The following CDK6 variants were observed in gnomAD, a reference collection of about 807,000 sequenced individuals.
CDK6 encodes cyclin-dependent kinase 6.
In CDK6, 6 loss-of-function variants were observed where a neutral mutation model predicts 37.1. That is an observed-to-expected ratio of 0.16 (90% confidence interval 0.09 to 0.32). CDK6 has a LOEUF of 0.32. Ranked by LOEUF, CDK6 falls within the 10% of genes least tolerant of loss-of-function variation. The pLI is 1.00. For synonymous variants in CDK6, 160 were observed against 161.3 expected, an observed-to-expected ratio of 0.99 and a Z score of 0.06; for missense variants, 224 against 418.9, an observed-to-expected ratio of 0.53 and a Z score of 4.06.
chr7:92,698,288 C>A (rs1019922689), intron 4 of CDK6, among the ~76,000 whole-genome samples: 2 of 152,178 alleles, frequency 1.3e-5, no homozygotes, highest in African/African-American at 4.8e-5. Flanking sequence ...TAAAACTGTA[C>A]AAATGAAGCC....
intron 2 of CDK6, among the ~76,000 whole-genome samples, chr7:92,804,825 G>C (rs953368902): frequency 2.0e-5 from 3 of 152,114 alleles, no homozygotes; most frequent in African/African-American, 4.8e-5. Context: ...CGCAGCACTA[G>C]TAACATCTAT....
chr7:92,683,195 AGTT>A (rs1235612683), intron 4 of CDK6, among the ~76,000 whole-genome samples: 8 of 152,208 alleles, frequency 5.3e-5, no homozygotes, highest in Admixed American at 2.6e-4. Context: ...TCCTCTTAGA[AGTT>A]GTTTTAACTC....
intron 5 of CDK6, among the ~76,000 whole-genome samples, chr7:92,668,121 C>T (rs1796999304): frequency 2.0e-5 from 3 of 152,106 alleles, no homozygotes; most frequent in Admixed American, 2.0e-4. Flanking sequence ...TACCATATTT[C>T]TACTGTATCT....
At chr7:92,796,089 AG>A (rs58319992) in intron 2 of CDK6, among the ~76,000 whole-genome samples, 19,607 of 144,020 alleles carry the variant, frequency 0.14, 1,748 homozygotes, top group South Asian at 0.27. Context: ...ATTAACTTGG[AG>A]AAAAAAAAAA....
chr7:92,826,869 G>A (rs1036191407), intron 2 of CDK6, among the ~76,000 whole-genome samples: 1 of 151,956 alleles, frequency 6.6e-6, no homozygotes, highest in Non-Finnish European at 1.5e-5. Flanking sequence ...AAACATATAC[G>A]GGTTAACCAA....
rs994107193 is a variant in CDK6, at chr7:92,606,849, G to A, written c.*8291C>T. On this transcript the variant is annotated 3_prime_UTR_variant, in exon 8 of 8. Coordinates refer to ENST00000424848, the MANE Select transcript of CDK6 (RefSeq NM_001145306.2). ...TTTCTAGTTCTAATTTGCACTCTACGTGAACCAATATTTTTCTTTTCTTAA... is the reference window on the plus strand; with the variant it reads ...TTTCTAGTTCTAATTTGCACTCTACATGAACCAATATTTTTCTTTTCTTAA... 4 of 232,676 alleles carry A rather than the reference G, an allele frequency of 1.7e-5. No individual in the cohort carries two copies. The highest frequency in any genetic ancestry group is 6.6e-5 in the African/African-American group (3 of 45,404). The allele number at this position is 232,676 out of a possible 1,614,324, so 14.4% of individuals were successfully genotyped here. A position where few individuals can be genotyped will look rare whatever the true frequency, so the allele number is the denominator to read the frequency against.
At chr7:92,732,165 C>G (rs961030272) in intron 3 of CDK6, among the ~76,000 whole-genome samples, 4 of 152,194 alleles carry the variant, frequency 2.6e-5, no homozygotes, top group Non-Finnish European at 5.9e-5. Flanking sequence ...CACCTGTAAT[C>G]CTAGCACTTT....
At chr7:92,803,757 A>G (rs1020871773) in intron 2 of CDK6, among the ~76,000 whole-genome samples, 2 of 152,322 alleles carry the variant, frequency 1.3e-5, no homozygotes, top group East Asian at 3.9e-4. Context: ...TTACTCATAC[A>G]GGTTTATATT....
intron 6 of CDK6, among the ~76,000 whole-genome samples, chr7:92,621,451 T>G (rs1795803866): frequency 6.6e-6 from 1 of 152,144 alleles, no homozygotes; most frequent in African/African-American, 2.4e-5. Context: ...GCACTAACAA[T>G]GTTAACAAGA....
chr7:92,632,213 C>A (rs1796069104), intron 5 of CDK6, among the ~76,000 whole-genome samples: 1 of 152,102 alleles, frequency 6.6e-6, no homozygotes, highest in Non-Finnish European at 1.5e-5. Context: ...AGCAAAATGA[C>A]ATCTTTCTGA....
intron 5 of CDK6, among the ~76,000 whole-genome samples, chr7:92,667,253 A>G (rs977619688): frequency 1.3e-5 from 2 of 152,168 alleles, no homozygotes; most frequent in African/African-American, 4.8e-5. Flanking sequence ...GCTAGGGTGT[A>G]GTGGCATGAT....
At chr7:92,814,340 A>C (rs954572309) in intron 2 of CDK6, among the ~76,000 whole-genome samples, 3 of 152,182 alleles carry the variant, frequency 2.0e-5, no homozygotes, top group African/African-American at 7.2e-5. Flanking sequence ...TAAATAGGGG[A>C]AAAGTATATC....
chr7:92,725,876 A>G, intron 3 of CDK6, 83 bp from the exon 4 acceptor site: 1 of 1,275,650 alleles, frequency 7.8e-7, no homozygotes, highest in South Asian at 1.3e-5. Flanking sequence ...AATCCTTAGC[A>G]TTTTGTGGCT....
intron 3 of CDK6, among the ~76,000 whole-genome samples, chr7:92,743,411 T>A (rs978820866): frequency 6.7e-6 from 1 of 148,496 alleles, no homozygotes; most frequent in African/African-American, 2.5e-5. Flanking sequence ...TAAAAATAAA[T>A]AAAAATAATA....
chr7:92,808,473 T>C (rs894703116), intron 2 of CDK6, among the ~76,000 whole-genome samples: 2 of 152,262 alleles, frequency 1.3e-5, no homozygotes, highest in African/African-American at 4.8e-5. Context: ...ATGATTCACT[T>C]AAAGTGCCTT....
chr7:92,824,089 A>T, intron 2 of CDK6, among the ~76,000 whole-genome samples: 1 of 151,970 alleles, frequency 6.6e-6, no homozygotes, highest in Non-Finnish European at 1.5e-5. Flanking sequence ...TTTAATCATT[A>T]GGAACACCTA....
chr7:92,778,091 G>GA (rs111812139), intron 2 of CDK6, among the ~76,000 whole-genome samples: 49,039 of 142,014 alleles, frequency 0.35, 9,928 homozygotes, highest in African/African-American at 0.57. Flanking sequence ...TAAAGGAAAC[G>GA]AAAAAAAAAA....
At chr7:92,820,550 G>A (rs772009909) in intron 2 of CDK6, among the ~76,000 whole-genome samples, 4 of 152,088 alleles carry the variant, frequency 2.6e-5, no homozygotes, top group Non-Finnish European at 4.4e-5. Flanking sequence ...GAAAGGTTAC[G>A]GGGATAAAAT....
intron 5 of CDK6, among the ~76,000 whole-genome samples, chr7:92,625,271 C>T (rs1393528828): frequency 1.3e-5 from 2 of 150,528 alleles, no homozygotes; most frequent in Admixed American, 1.3e-4. Flanking sequence ...TCTCTTATTC[C>T]TGGCCAATAT....
Sources: allele counts gnomAD v4.1 joint callset (sites outside exome capture counted in the v4.1 genomes callset), GRCh38; gene constraint gnomAD v4.1.1; transcripts MANE v1.5; gene names NCBI Gene and HGNC (gene_info 2026-07-23, HGNC 2026-07-21).